The following FAXC variants were observed in gnomAD, a reference collection of about 807,000 sequenced individuals.
FAXC encodes failed axon connections homolog, metaxin like GST domain containing.
A neutral mutation model predicts 41.9 loss-of-function variants in FAXC; 10 were observed. The ratio of observed to expected loss-of-function variants is 0.24; its 90% CI spans 0.15 to 0.41. The LOEUF is 0.41. Ranked by LOEUF, FAXC falls within the 10% of genes least tolerant of loss-of-function variation. The pLI, the probability that FAXC is intolerant of heterozygous loss-of-function variation, is 1.00. For synonymous variants in FAXC, 183 were observed against 183.8 expected (o/e 1.00, Z 0.03); for missense variants, 399 against 510.9 (o/e 0.78, Z 2.11).
chr6:99,297,502 T>C (rs1031808897), intron 4 of FAXC, among the ~76,000 whole-genome samples: 2 of 151,796 alleles, frequency 1.3e-5, no homozygotes, highest in African/African-American at 4.8e-5. Context: ...ACCAAGAGAA[T>C]AGGAGGGGAC....
intron 3 of FAXC, among the ~76,000 whole-genome samples, 200 bp from the exon 4 acceptor site, chr6:99,323,867 G>A (rs1227840002): frequency 2.6e-5 from 4 of 152,090 alleles, no homozygotes; most frequent in East Asian, 1.9e-4. Flanking sequence ...TGGAAGAAAT[G>A]GGAAAAAATC....
rs781276860 is a variant in FAXC, at chr6:99,281,296, C to A, written c.1098G>T (p.Arg366Ser). The change falls in exon 6 of 6, where the codon AGG (arginine) becomes AGT (serine). Residue 366 changes from arginine to serine, a missense_variant. Around this residue, in one of 3 missense-constraint regions of FAXC, gnomAD observed 92 missense variants for 94.9 expected, o/e 0.97. Transcript: ENST00000389677. ...CTCCCTCATCTTCAAAGGTCTCTGT[C>A]CTTGAGTAAAAGCTAAAATCCAGCA... ...TPLLDFSFYS[R>S]TETFEDEGAE... 1.2e-5 allele frequency: 20 copies of A among 1,614,068 alleles called. No individual in the cohort carries two copies. In the Admixed American group the frequency reaches 1.7e-4, roughly 13 times the overall value.
chr6:99,338,493 C>T (rs1341126916), intron 2 of FAXC, among the ~76,000 whole-genome samples: 3 of 152,172 alleles, frequency 2.0e-5, no homozygotes, highest in African/African-American at 7.2e-5. Context: ...CTGCAGCCAC[C>T]ACAAACGACA....
At chr6:99,289,298 T>G (rs1771141954) in intron 5 of FAXC, among the ~76,000 whole-genome samples, 1 of 152,104 alleles carries the variant, frequency 6.6e-6, no homozygotes. Context: ...GGCTGCCACA[T>G]ACAGATGCTC....
At chr6:99,347,038 G>A (rs1360236409) in intron 1 of FAXC, among the ~76,000 whole-genome samples, 1 of 152,038 alleles carries the variant, frequency 6.6e-6, no homozygotes, top group Non-Finnish European at 1.5e-5. Flanking sequence ...AAGGAGGGAG[G>A]ATTTCTTGAG....
chr6:99,307,207 G>A (rs906853628), intron 4 of FAXC, among the ~76,000 whole-genome samples: 1 of 152,228 alleles, frequency 6.6e-6, no homozygotes, highest in African/African-American at 2.4e-5. Flanking sequence ...TCAGGATGCA[G>A]TGGCTCTTAG....
At chr6:99,302,138 C>T (rs1260094138) in intron 4 of FAXC, among the ~76,000 whole-genome samples, 7 of 152,146 alleles carry the variant, frequency 4.6e-5, no homozygotes, top group Admixed American at 2.0e-4. Flanking sequence ...CTCACTCACA[C>T]GGTTGTTAGT....
intron 1 of FAXC, among the ~76,000 whole-genome samples, chr6:99,343,238 A>G (rs1307125182): frequency 6.6e-6 from 1 of 151,102 alleles, no homozygotes. Context: ...AAAACTCAAG[A>G]GAACCTTACA....
chr6:99,340,034 ATATT>A (rs1175212724), intron 2 of FAXC, among the ~76,000 whole-genome samples: 2 of 152,230 alleles, frequency 1.3e-5, no homozygotes, highest in Non-Finnish European at 2.9e-5. Flanking sequence ...AAACTTGAGA[ATATT>A]AAGATTAAAT....
chr6:99,341,759 G>T (rs1163815208), intron 2 of FAXC, among the ~76,000 whole-genome samples: 1 of 152,104 alleles, frequency 6.6e-6, no homozygotes, highest in South Asian at 2.1e-4. Context: ...TAGATCTATA[G>T]AGAGCTCTCT....
chr6:99,300,986 T>G (rs532153183), intron 4 of FAXC, among the ~76,000 whole-genome samples: 1 of 152,364 alleles, frequency 6.6e-6, no homozygotes, highest in African/African-American at 2.4e-5. Context: ...GACTCCACAT[T>G]CCTGAAGGAC....
intron 4 of FAXC, among the ~76,000 whole-genome samples, chr6:99,319,778 T>A (rs1327792610): frequency 6.6e-6 from 1 of 152,242 alleles, no homozygotes. Context: ...ATATTTCGTA[T>A]AAATCATACT....
chr6:99,323,536 C>T lies in FAXC; in HGVS notation c.731G>A (p.Arg244His), dbSNP rs199850440. Reference sequence around the variant, plus strand: ...GCCAATGCCGTGGCCGTGCATCTCGCGTTTCACAATTCCTTTCGTTATGTG... The same window carrying T: ...GCCAATGCCGTGGCCGTGCATCTCGTGTTTCACAATTCCTTTCGTTATGTG... ...VCHITKGIVKREMHGHGIGRF... is the reference protein window; with the variant it reads ...VCHITKGIVKHEMHGHGIGRF... The change falls in exon 4 of 6, where the codon CGC (arginine) becomes CAC (histidine). Residue 244 changes from arginine (R) to histidine (H), a missense_variant. Physicochemically the swap from Arg to His is conservative, Grantham distance 29 (BLOSUM62 0). Coordinates refer to ENST00000389677, the MANE Select transcript of FAXC (RefSeq NM_032511.4). The T allele has an allele frequency of 6.8e-6, 11 of 1,614,232 alleles. No individual in the cohort carries two copies. Among genetic ancestry groups the T allele is most frequent in the South Asian group, 1.1e-5 (1 of 91,084 alleles).
intron 4 of FAXC, among the ~76,000 whole-genome samples, chr6:99,321,487 CT>C (rs1772585700): frequency 6.6e-6 from 1 of 152,196 alleles, no homozygotes; most frequent in African/African-American, 2.4e-5. Flanking sequence ...CAAAGAGCCT[CT>C]CCCTCCCCAA....
rs1770793876 is a variant in FAXC, at chr6:99,280,672, C to G, written c.*492G>C. ...CACATAGTAGGTGTTCGTTTAATAT[C>G]TGTGGATTTTATTTGACTTATGTCT... is the stretch of plus-strand genomic sequence containing the variant. On this transcript the variant is annotated 3_prime_UTR_variant, in exon 6 of 6. Transcript: ENST00000389677. 6.0e-6 allele frequency: 1 copy of G among 165,604 alleles called. No individual in the cohort carries two copies. Among genetic ancestry groups the G allele is most frequent in the Non-Finnish European group, 1.3e-5 (1 of 75,866 alleles). The allele number at this position is 165,604 out of a possible 1,614,324, so 10.3% of individuals were successfully genotyped here. A position where few individuals can be genotyped will look rare whatever the true frequency, so the allele number is the denominator to read the frequency against.
At chr6:99,318,788 G>A (rs1772471382) in intron 4 of FAXC, among the ~76,000 whole-genome samples, 1 of 152,152 alleles carries the variant, frequency 6.6e-6, no homozygotes, top group Non-Finnish European at 1.5e-5. Context: ...CAAGTTATTT[G>A]TGTGAAATCA....
intron 1 of FAXC, 97 bp downstream of exon 1, chr6:99,349,010 T>G (rs2388906): frequency 0.84 from 1,047,328 of 1,241,146 alleles, 444,681 homozygotes; most frequent in East Asian, 1. Flanking sequence ...TCTGGGCAGC[T>G]TGACCGAGGG....
intron 5 of FAXC, among the ~76,000 whole-genome samples, chr6:99,287,962 T>C (rs949570145): frequency 4.6e-5 from 7 of 152,196 alleles, no homozygotes; most frequent in Non-Finnish European, 1.0e-4. Flanking sequence ...TGGAAGCTAC[T>C]TTAAGAATCA....
chr6:99,277,134 CA>C lies in FAXC; in HGVS notation c.*4029del, dbSNP rs1286562739. The C allele has an allele frequency of 6.6e-6, 1 of 152,622 alleles. No homozygotes were observed. Among genetic ancestry groups the C allele is most frequent in the East Asian group, 1.9e-4 (1 of 5,206 alleles). The allele number at this position is 152,622 out of a possible 1,614,324, so 9.5% of individuals were successfully genotyped here. ...CACATGAGGCTTTTTTAGGCAATGG[CA>C]AATGGATCAACCTGGCTGCACTGGA... is the stretch of plus-strand genomic sequence containing the variant. On this transcript the variant is annotated 3_prime_UTR_variant, in exon 6 of 6. Transcript: ENST00000389677.
Sources: gnomAD v4.1 joint callset for allele counts (sites outside exome capture counted in the v4.1 genomes callset) on GRCh38, gnomAD v4.1.1 for gene constraint, gnomAD v4.1.1 regional missense constraint, MANE v1.5 for transcripts, NCBI Gene and HGNC (gene_info 2026-07-23, HGNC 2026-07-21) for gene names.